The following GLI3 variants were observed in gnomAD, a reference collection of about 807,000 sequenced individuals.
GLI3 encodes the protein GLI family zinc finger 3.
A neutral mutation model predicts 100.8 loss-of-function variants in GLI3; 20 were observed. That is an observed-to-expected ratio of 0.20 (90% CI 0.14 to 0.29). The LOEUF is 0.29. GLI3 is among the 10% of genes least tolerant of loss of function. GLI3 has a pLI of 1.00. For synonymous variants in GLI3, 938 were observed against 860.5 expected, an observed-to-expected ratio of 1.09 and a Z score of -1.58; for missense variants, 2,040 against 2,128.5, an observed-to-expected ratio of 0.96 and a Z score of 0.82.
chr7:42,257,745 TA>T (rs58253019), intron 1 of GLI3, among the ~76,000 whole-genome samples: 4,062 of 150,902 alleles, frequency 0.027, 174 homozygotes, highest in African/African-American at 0.089. Flanking sequence ...GATTGTTTTT[TA>T]AAAAAAAAAT....
chr7:42,084,699 A>G (rs1000168064), intron 3 of GLI3, among the ~76,000 whole-genome samples: 3 of 152,218 alleles, frequency 2.0e-5, no homozygotes, highest in African/African-American at 7.2e-5. Context: ...AATCACATGT[A>G]AACATATAAG....
At chr7:42,182,855 G>T in intron 2 of GLI3, among the ~76,000 whole-genome samples, 1 of 151,504 alleles carries the variant, frequency 6.6e-6, no homozygotes, top group East Asian at 1.9e-4. Flanking sequence ...GGCAAAGTGC[G>T]CAGATCGTTT....
At chr7:42,033,955 C>G (rs1307780460) in intron 7 of GLI3, among the ~76,000 whole-genome samples, 1 of 152,156 alleles carries the variant, frequency 6.6e-6, no homozygotes, top group Non-Finnish European at 1.5e-5. Context: ...GGCATATGCT[C>G]TCTGAATAAT....
chr7:42,237,686 T>G (rs1217302301), upstream of GLI3: 1 of 152,312 alleles, frequency 6.6e-6, no homozygotes, highest in African/African-American at 2.4e-5. Context: ...CCCTTTTCTT[T>G]CAGCCACTCT....
At chr7:42,145,086 A>C (rs565683094) in intron 3 of GLI3, among the ~76,000 whole-genome samples, 1 of 152,358 alleles carries the variant, frequency 6.6e-6, no homozygotes, top group African/African-American at 2.4e-5. Flanking sequence ...TAAAAAATTC[A>C]TGGAAAATTT....
intron 3 of GLI3, among the ~76,000 whole-genome samples, chr7:42,104,655 AT>A (rs2128763593): frequency 6.6e-6 from 1 of 152,354 alleles, no homozygotes; most frequent in African/African-American, 2.4e-5. Flanking sequence ...AAGTTACAAC[AT>A]TGCTATAGAC....
chr7:42,261,550 T>C (rs1488477482), intron 1 of GLI3, among the ~76,000 whole-genome samples: 1 of 152,178 alleles, frequency 6.6e-6, no homozygotes, highest in Non-Finnish European at 1.5e-5. Context: ...TGAAACTTAG[T>C]TGGGGGAGTT....
intron 10 of GLI3, among the ~76,000 whole-genome samples, chr7:41,980,135 A>G (rs1787616683): frequency 6.6e-6 from 1 of 152,238 alleles, no homozygotes; most frequent in African/African-American, 2.4e-5. Flanking sequence ...AGAGAGTGGT[A>G]CATTGCAGCA....
At chr7:42,177,104 G>A (rs558148766) in intron 2 of GLI3, among the ~76,000 whole-genome samples, 6 of 152,114 alleles carry the variant, frequency 3.9e-5, no homozygotes, top group Non-Finnish European at 7.3e-5. Context: ...CAGTGATAGG[G>A]ACACTCCGTC....
At chr7:42,249,652 CTT>C (rs2128710152) in intron 1 of GLI3, among the ~76,000 whole-genome samples, 1 of 152,322 alleles carries the variant, frequency 6.6e-6, no homozygotes, top group South Asian at 2.1e-4. Flanking sequence ...TGAGCTAACA[CTT>C]AGTCATAGAG....
intron 1 of GLI3, among the ~76,000 whole-genome samples, chr7:42,248,696 GACC>G (rs1788999757): frequency 1.3e-5 from 2 of 152,062 alleles, no homozygotes; most frequent in Non-Finnish European, 2.9e-5. Flanking sequence ...ACCATCATGT[GACC>G]ACATGTTAAT....
At chr7:42,053,299 ATTATTGT>A (rs1484172119) in intron 4 of GLI3, among the ~76,000 whole-genome samples, 2 of 152,154 alleles carry the variant, frequency 1.3e-5, no homozygotes, top group African/African-American at 4.8e-5. Flanking sequence ...TCCCGGCCCA[ATTATTGT>A]GTTTTTAACT....
chr7:42,251,434 G>T (rs768259208), intron 1 of GLI3, among the ~76,000 whole-genome samples: 1 of 152,194 alleles, frequency 6.6e-6, no homozygotes, highest in African/African-American at 2.4e-5. Context: ...TCTAATGCTC[G>T]CTTGCCGCTC....
At chr7:42,202,315 A>C (rs1242052350) in intron 2 of GLI3, among the ~76,000 whole-genome samples, 5 of 123,382 alleles carry the variant, frequency 4.1e-5, no homozygotes, top group Admixed American at 2.6e-4. Context: ...AATTCATAGA[A>C]TCTGTCTCTC....
intron 1 of GLI3, among the ~76,000 whole-genome samples, chr7:42,261,859 T>TCCTTCCCTTCCTTTC (rs1292317460): frequency 2.4e-5 from 3 of 124,792 alleles, no homozygotes; most frequent in African/African-American, 8.7e-5. Context: ...TTGTTTTCTT[T>TCCTTCCCTTCCTTTC]CCTTCCCTTC....
Position 41,963,020 on chromosome 7 carries a change from C to T in GLI3, c.*1310G>A, listed in dbSNP as rs1787048560. The T allele has an allele frequency of 1.3e-5, 2 of 152,174 alleles. No homozygotes were observed. Among genetic ancestry groups the T allele is most frequent in the Non-Finnish European group, 1.5e-5 (1 of 68,032 alleles). The allele number at this position is 152,174 out of a possible 1,614,324, so 9.4% of individuals were successfully genotyped here. On this transcript the variant is annotated 3_prime_UTR_variant, in exon 15 of 15. Transcript: ENST00000395925. Reference sequence around the variant, plus strand: ...AATGTTTTAATCCAAAACAAAAGTACAGATCCAGTCCACATTAAGGACTAA... The same window carrying T: ...AATGTTTTAATCCAAAACAAAAGTATAGATCCAGTCCACATTAAGGACTAA...
intron 10 of GLI3, among the ~76,000 whole-genome samples, chr7:42,016,157 G>A (rs1454629570): frequency 6.6e-6 from 1 of 152,178 alleles, no homozygotes. Flanking sequence ...ATGTGCTACA[G>A]TGGAGAAACC....
At chr7:42,246,805 CTTTT>C (rs71006467) in intron 1 of GLI3, among the ~76,000 whole-genome samples, 3,091 of 94,992 alleles carry the variant, frequency 0.033, 173 homozygotes, top group African/African-American at 0.13. Flanking sequence ...ATGATAGAAT[CTTTT>C]TTTTTTTTTT....
chr7:42,109,633 G>A (rs1484451319), intron 3 of GLI3, among the ~76,000 whole-genome samples: 1 of 152,222 alleles, frequency 6.6e-6, no homozygotes, highest in Non-Finnish European at 1.5e-5. Flanking sequence ...AGCAGAAGTG[G>A]ACTTTATTTG....
Sources: gnomAD v4.1 joint callset for allele counts (sites outside exome capture counted in the v4.1 genomes callset) on GRCh38, gnomAD v4.1.1 for gene constraint, MANE v1.5 for transcripts, NCBI Gene and HGNC (gene_info 2026-07-23, HGNC 2026-07-21) for gene names.